The following SHQ1 variants were observed in gnomAD, a reference collection of about 807,000 sequenced individuals.
SHQ1 encodes protein SHQ1 homolog.
SHQ1 carries 49 observed loss-of-function variants against 53.8 expected under a neutral mutation model. The observed-to-expected ratio is 0.91, with a 90% CI of 0.72 to 1.16. The LOEUF (loss-of-function observed/expected upper bound fraction) is 1.16. Among genes scored for constraint, SHQ1 ranks in the 50% most tolerant of loss-of-function variants. SHQ1 has a pLI of 0.00. For missense variants in SHQ1, 738 were observed against 683.1 expected, an observed-to-expected ratio of 1.08 and a Z score of -0.90; for synonymous variants, 243 against 251.0, an observed-to-expected ratio of 0.97 and a Z score of 0.30.
chr3:72,791,778 C>T (rs1249914952), intron 10 of SHQ1, among the ~76,000 whole-genome samples: 1 of 151,944 alleles, frequency 6.6e-6, no homozygotes, highest in Non-Finnish European at 1.5e-5. Context: ...TCTTGAACTC[C>T]TGAACTCAAG....
intron 1 of SHQ1, chr3:72,846,299 T>C (rs1708326728): frequency 4.7e-6 from 1 of 214,800 alleles, no homozygotes; most frequent in Non-Finnish European, 8.0e-6. Flanking sequence ...CTGTATGTTC[T>C]TTTTTTTTTT....
chr3:72,766,791 A>C (rs1174958322), intron 10 of SHQ1, among the ~76,000 whole-genome samples: 2 of 152,140 alleles, frequency 1.3e-5, no homozygotes, highest in Non-Finnish European at 2.9e-5. Flanking sequence ...ATTTTATTGA[A>C]GTCTAATCAA....
At position 72,842,838 on chromosome 3, in the gene SHQ1, G is replaced by C. The variant is rs145164739; in HGVS notation, c.209-436C>G. ...CGCCTGTAATACCAGCACTTCGGGA[G>C]GCCGAGGCAGGCGGATCATGAGGTC... On this transcript the variant is annotated intron_variant, in intron 2 of 10. Transcript: ENST00000325599. Among the ~76,000 whole-genome samples the C allele has an allele frequency of 5.8e-3, 877 of 152,234 alleles. 4 individuals carry two copies. The highest frequency in any genetic ancestry group is 0.02 in the African/African-American group (827 of 41,552).
intron 4 of SHQ1, among the ~76,000 whole-genome samples, chr3:72,840,539 C>T (rs752871396): frequency 8.1e-4 from 116 of 143,300 alleles, no homozygotes; most frequent in Non-Finnish European, 9.9e-4. Context: ...CCAGCCTTGG[C>T]GACAGGGTAA....
the SHQ1 span, among the ~76,000 whole-genome samples, chr3:72,743,994 G>A: frequency 6.6e-6 from 1 of 152,190 alleles, no homozygotes; most frequent in Non-Finnish European, 1.5e-5. Flanking sequence ...GGAAACGGGA[G>A]AGCAACGCAG....
chr3:72,800,419 T>C (rs569195203), intron 9 of SHQ1, among the ~76,000 whole-genome samples: 1 of 152,318 alleles, frequency 6.6e-6, no homozygotes, highest in Non-Finnish European at 1.5e-5. Context: ...CCTTGTTTCA[T>C]AAATGAGAAA....
chr3:72,763,052 C>T (rs868701517), intron 10 of SHQ1, among the ~76,000 whole-genome samples: 29,868 of 145,888 alleles, frequency 0.2, 3,202 homozygotes, highest in Non-Finnish European at 0.24. Context: ...CACACACACA[C>T]ACACACACAC....
chr3:72,793,227 GC>G, intron 9 of SHQ1, 191 bp from the exon 10 acceptor site: 1 of 463,360 alleles, frequency 2.2e-6, no homozygotes, highest in Non-Finnish European at 3.8e-6. Flanking sequence ...ACAATCTTTG[GC>G]CAGGCACAGT....
At chr3:72,736,483 A>AG in the SHQ1 span, among the ~76,000 whole-genome samples, 33,491 of 150,480 alleles carry the variant, frequency 0.22, 4,067 homozygotes, top group Non-Finnish European at 0.25. Flanking sequence ...ATCATTAAAA[A>AG]TTTTTTTAAA....
At chr3:72,792,895 A>C (rs1442652929) in intron 10 of SHQ1, 21 bp downstream of exon 10, 1 of 1,604,814 alleles carries the variant, frequency 6.2e-7, no homozygotes. Flanking sequence ...AAAATTCGTA[A>C]GTAACTCTAT....
intron 9 of SHQ1, among the ~76,000 whole-genome samples, chr3:72,797,125 G>A (rs1706650324): frequency 6.6e-6 from 1 of 151,978 alleles, no homozygotes; most frequent in Non-Finnish European, 1.5e-5. Flanking sequence ...GGGCATGATA[G>A]CAGGTGCCTG....
At chr3:72,779,577 C>G (rs1706030788) in intron 10 of SHQ1, among the ~76,000 whole-genome samples, 1 of 152,160 alleles carries the variant, frequency 6.6e-6, no homozygotes, top group South Asian at 2.1e-4. Context: ...TTTTGTTTAC[C>G]ATTGGCAGGC....
chr3:72,796,101 C>CAAAA (rs555086403), intron 9 of SHQ1, among the ~76,000 whole-genome samples: 258 of 35,318 alleles, frequency 7.3e-3, no homozygotes, highest in Non-Finnish European at 0.011. Flanking sequence ...GACTCCATCT[C>CAAAA]AAAAAAAAAA....
Position 72,843,443 on chromosome 3 carries a change from C to G in SHQ1, c.208+916G>C, listed in dbSNP as rs187737733. ...CTTTTCTTTCCTTGACTGAGTTTAT[C>G]TATCTTATTTAGGCTTCCCTGGGAA... On this transcript the variant is annotated intron_variant, in intron 2 of 10. Transcript: ENST00000325599. 1.9e-3 allele frequency among the ~76,000 whole-genome samples: 294 copies of G among 152,314 alleles called. 2 individuals carry two copies. The highest frequency in any genetic ancestry group is 6.7e-3 in the African/African-American group (277 of 41,568).
chr3:72,773,409 TG>T, intron 10 of SHQ1: 1 of 442,200 alleles, frequency 2.3e-6, no homozygotes, highest in Non-Finnish European at 4.4e-6. Flanking sequence ...GTAGCAGTGG[TG>T]GTAGATGAGT....
At chr3:72,748,361 A>AT (rs57684717), downstream of SHQ1, among the ~76,000 whole-genome samples, 3 of 137,804 alleles carry the variant, frequency 2.2e-5, no homozygotes, top group African/African-American at 8.6e-5. Context: ...AAAAAAAAAA[A>AT]GACTCATATG....
intron 10 of SHQ1, among the ~76,000 whole-genome samples, chr3:72,762,888 T>G (rs1385161255): frequency 6.6e-6 from 1 of 152,104 alleles, no homozygotes; most frequent in Non-Finnish European, 1.5e-5. Context: ...TTGGCCAGGC[T>G]GCTCTTGAAC....
chr3:72,783,520 C>A (rs1187259479), intron 10 of SHQ1, among the ~76,000 whole-genome samples: 2 of 151,950 alleles, frequency 1.3e-5, no homozygotes, highest in East Asian at 3.9e-4. Flanking sequence ...CATTATGGTG[C>A]CCAAGCTGGT....
At chr3:72,803,061 C>T (rs1706837019) in intron 9 of SHQ1, among the ~76,000 whole-genome samples, 1 of 152,174 alleles carries the variant, frequency 6.6e-6, no homozygotes, top group Non-Finnish European at 1.5e-5. Flanking sequence ...GCAGCTAAAA[C>T]TGGCAGGTCC....
Sources: gnomAD v4.1 joint callset for allele counts (sites outside exome capture counted in the v4.1 genomes callset) on GRCh38, gnomAD v4.1.1 for gene constraint, MANE v1.5 for transcripts, NCBI Gene and HGNC (gene_info 2026-07-23, HGNC 2026-07-21) for gene names.